The following SEBOX variants were observed in gnomAD, a reference collection of about 807,000 sequenced individuals.
The protein encoded by SEBOX is homeobox protein SEBOX.
SEBOX carries 10 observed loss-of-function variants against 7.8 expected under a neutral mutation model. The observed-to-expected ratio is 1.28, with a 90% CI of 0.79 to 2.17. SEBOX has a LOEUF of 2.17. Among genes scored for constraint, SEBOX ranks in the 30% most tolerant of loss-of-function variants. The pLI, the probability that SEBOX is intolerant of heterozygous loss-of-function variation, is 0.00. For missense variants in SEBOX, 240 were observed against 239.5 expected, an observed-to-expected ratio of 1.00 and a Z score of -0.01; for synonymous variants, 98 against 91.5, an observed-to-expected ratio of 1.07 and a Z score of -0.40.
chr17:28,364,731 A>G, intron 2 of SEBOX, 64 bp downstream of exon 2: 1 of 1,599,212 alleles, frequency 6.3e-7, no homozygotes, highest in South Asian at 1.1e-5. Flanking sequence ...AAGGCAGGCT[A>G]CCCAGCGAAG....
Position 28,364,276 on chromosome 17 carries a change from G to A in SEBOX, c.565C>T (p.His189Tyr), listed in dbSNP as rs1284662822. Reference sequence around the variant, plus strand: ...CAAGTTCTGGACAAAGACTAGGAGTGGTCCACATTGACGACAATGGCCAAG... The same window carrying A: ...CAAGTTCTGGACAAAGACTAGGAGTAGTCCACATTGACGACAATGGCCAAG... ...YALAIVVNVD[H>Y]S The change falls in exon 3 of 3, where the codon CAC (histidine) becomes TAC (tyrosine). Residue 189 changes from histidine to tyrosine, a missense_variant. Transcript: ENST00000536498. 1.2e-6 allele frequency: 2 copies of A among 1,606,970 alleles called. No individual in the cohort carries two copies. Among genetic ancestry groups the A allele is most frequent in the Non-Finnish European group, 1.7e-6 (2 of 1,176,678 alleles).
Position 28,364,792 on chromosome 17 carries a change from C to T in SEBOX, c.192+3G>A, listed in dbSNP as rs2067894799. The stretch of plus-strand genomic sequence containing the variant: ...GGCTGTGTGAGAAGGGGTCACAGCT[C>T]ACCTGTACCTTGGCCTCAGGAAGGC... On this transcript the variant is annotated splice_donor_region_variant and intron_variant, in intron 2 of 2. Transcript: ENST00000536498. 6 of 1,613,838 alleles carry T rather than the reference C, an allele frequency of 3.7e-6. No homozygotes were observed. The highest frequency in any genetic ancestry group is 5.1e-6 in the Non-Finnish European group (6 of 1,179,832).
chr17:28,365,035 A>C (rs2067897749), intron 1 of SEBOX, 80 bp from the exon 2 acceptor site: 2 of 1,574,662 alleles, frequency 1.3e-6, no homozygotes, highest in Non-Finnish European at 1.7e-6. Context: ...TCAACCCCGA[A>C]GTCCCTACTC....
Position 28,365,170 on chromosome 17 carries a change from G to GGTGCCAGAGGGCC in SEBOX, c.-32_-20dup, listed in dbSNP as rs782025153. Reference sequence around the variant, plus strand: ...TGGGCATGGAGCTGGCAAAGGGTAAGGTGCCAGAGGGCCGTGCCAGAGGGC... The same window carrying GGTGCCAGAGGGCC: ...TGGGCATGGAGCTGGCAAAGGGTAAGGTGCCAGAGGGCCGTGCCAGAGGGCCGTGCCAGAGGGC... On this transcript the variant is annotated 5_prime_UTR_variant, in exon 1 of 3. Transcript: ENST00000536498. The GGTGCCAGAGGGCC allele has an allele frequency of 5.1e-5, 83 of 1,611,864 alleles. No individual in the cohort carries two copies. The African/African-American group carries it at 7.9e-4, about 15-fold the overall frequency.
chr17:28,363,901 G>A lies in SEBOX; in HGVS notation c.*367C>T, dbSNP rs2067884060. ...GAGAGACCTCAGGAGACAGGAGCCT[G>A]CCCCTTCAGAAGGAGGAGGCCATCA... On this transcript the variant is annotated 3_prime_UTR_variant, in exon 3 of 3. Coordinates refer to ENST00000536498, the MANE Select transcript of SEBOX (RefSeq NM_001080837.4). Among the ~76,000 whole-genome samples the A allele has an allele frequency of 6.6e-6, 1 of 152,190 alleles. No individual in the cohort carries two copies. The highest frequency in any genetic ancestry group is 6.5e-5 in the Admixed American group (1 of 15,278).
chr17:28,363,833 C>A lies in SEBOX; in HGVS notation c.*435G>T, dbSNP rs1192302293. 1 of 157,028 alleles carries A rather than the reference C, an allele frequency of 6.4e-6. No individual in the cohort carries two copies. The highest frequency in any genetic ancestry group is 1.9e-4 in the East Asian group (1 of 5,310). The allele number at this position is 157,028 out of a possible 1,614,324, so 9.7% of individuals were successfully genotyped here. ...AGCAGTCTAGATGAGGAGCAGCACT[C>A]TCCTCTCCTACCTCACTTAGCAGTT... On this transcript the variant is annotated 3_prime_UTR_variant, in exon 3 of 3. Transcript: ENST00000536498.
rs1555582756 is a variant in SEBOX, at chr17:28,364,783, G to T, written c.192+12C>A. On this transcript the variant is annotated intron_variant, in intron 2 of 2. Transcript: ENST00000536498. ...CTAGATGTTGGCTGTGTGAGAAGGG[G>T]TCACAGCTCACCTGTACCTTGGCCT... 1.2e-6 allele frequency: 2 copies of T among 1,613,700 alleles called. No individual in the cohort carries two copies. The highest frequency in any genetic ancestry group is 1.3e-5 in the African/African-American group (1 of 75,056).
chr17:28,364,846 G>C lies in SEBOX; in HGVS notation c.141C>G (p.Ser47Arg). 1 of 1,613,972 alleles carries C rather than the reference G, an allele frequency of 6.2e-7. No individual in the cohort carries two copies. The highest frequency in any genetic ancestry group is 8.5e-7 in the Non-Finnish European group (1 of 1,179,872). ...TGACCCAGGCCAGGTGCTCATGGGT[G>C]CTGATGTTGGGGTAGGGCCATGCTG... ...AFAAWPYPNI[S>R]THEHLAWVTC... Residue 47 changes from serine (S) to arginine (R), a missense_variant, in exon 2 of 3, where the codon AGC becomes AGG. Ser to Arg is a moderately radical substitution (Grantham distance 110). Transcript: ENST00000536498.
chr17:28,365,090 C>T, intron 1 of SEBOX, 31 bp downstream of exon 1: 3 of 1,594,848 alleles, frequency 1.9e-6, no homozygotes, highest in Non-Finnish European at 2.6e-6. Context: ...CCTGCGTTCT[C>T]ACCCTGCCCA....
Position 28,364,668 on chromosome 17 carries a change from G to A in SEBOX, c.193-20C>T, listed in dbSNP as rs1267590647. On this transcript the variant is annotated intron_variant, in intron 2 of 2. Coordinates refer to ENST00000536498, the MANE Select transcript of SEBOX (RefSeq NM_001080837.4). Reference sequence around the variant, plus strand: ...CCACACCTGCTAGGAAAGAAGAAGGGGTCTGTTCTGGCCCCAGCATCCCCT... The same window carrying A: ...CCACACCTGCTAGGAAAGAAGAAGGAGTCTGTTCTGGCCCCAGCATCCCCT... The A allele has an allele frequency of 4.5e-6, 7 of 1,552,856 alleles. No homozygotes were observed. Among genetic ancestry groups the A allele is most frequent in the Non-Finnish European group, 5.2e-6 (6 of 1,152,326 alleles).
intron 1 of SEBOX, 80 bp from the exon 2 acceptor site, chr17:28,365,035 A>T: frequency 6.4e-7 from 1 of 1,574,780 alleles, no homozygotes; most frequent in South Asian, 1.2e-5. Flanking sequence ...TCAACCCCGA[A>T]GTCCCTACTC....
Position 28,364,339 on chromosome 17 carries a change from G to A in SEBOX, c.502C>T (p.Gln168Ter). Residue 168 changes from glutamine to a stop codon, truncating the protein, a stop_gained, in exon 3 of 3, where the codon CAG (glutamine) becomes TAG (stop). Transcript: ENST00000536498. LOFTEE classifies it high-confidence loss of function. ...TCAGACAGGCTGCCTAGTGAAGTCT[G>A]GGGAGTAGCTCGCTCTAAAGAAGGG... ...VHPSLERATP[Q>*]TSLGSLSDLI... The A allele has an allele frequency of 6.2e-7, 1 of 1,601,824 alleles. No individual in the cohort carries two copies. Among genetic ancestry groups the A allele is most frequent in the Non-Finnish European group, 8.5e-7 (1 of 1,174,170 alleles).
Position 28,364,394 on chromosome 17 carries a change from T to G in SEBOX, c.447A>C (p.Pro149=), listed in dbSNP as rs782229547. Residue 149 remains proline, a synonymous_variant, in exon 3 of 3, where the codon CCA becomes CCC. Transcript: ENST00000536498. ...CCTCTGAAGCCCCAGCTGATCCCCA[T>G]GGGGCTACAGCTTTAGCCCCTTCCC... ...QGWEGAKAVA[P]WGSAGASEVH... is the part of the protein sequence containing the mutation. 15 of 1,591,090 alleles carry G rather than the reference T, an allele frequency of 9.4e-6. No individual in the cohort carries two copies. Among genetic ancestry groups the G allele is most frequent in the Non-Finnish European group, 1.3e-5 (15 of 1,168,502 alleles).
At chr17:28,364,736 G>A (rs1597808838) in intron 2 of SEBOX, 59 bp downstream of exon 2, 1 of 1,603,230 alleles carries the variant, frequency 6.2e-7, no homozygotes, top group Non-Finnish European at 8.5e-7. Flanking sequence ...AGGCTACCCA[G>A]CGAAGGGGCT....
rs782508389 is a variant in SEBOX, at chr17:28,364,881, T to C, written c.106A>G (p.Arg36Gly). The change falls in exon 2 of 3, where the codon AGG (arginine) becomes GGG (glycine). Residue 36 changes from arginine (R) to glycine (G), a missense_variant. By Grantham distance (125) the Arg-to-Gly change is moderately radical (BLOSUM62 -2). Transcript: ENST00000536498. ...FSKGQLLELE[R>G]AFAAWPYPNI... ...GGGTAGGGCCATGCTGCAAACGCCC[T>C]CTCCAGCTCCAGTAGCTGCCCTTTG... The C allele has an allele frequency of 4.3e-6, 7 of 1,613,770 alleles. No homozygotes were observed. Among genetic ancestry groups the C allele is most frequent in the Non-Finnish European group, 5.9e-6 (7 of 1,179,822 alleles).
chr17:28,364,812 G>C lies in SEBOX; in HGVS notation c.175C>G (p.Pro59Ala). The C allele has an allele frequency of 6.2e-7, 1 of 1,613,934 alleles. No individual in the cohort carries two copies. The highest frequency in any genetic ancestry group is 8.5e-7 in the Non-Finnish European group (1 of 1,179,860). The part of the protein sequence containing the change: ...HEHLAWVTCL[P>A]EAKVQVWFQK... The stretch of plus-strand genomic sequence containing the variant: ...CAGCTCACCTGTACCTTGGCCTCAG[G>C]AAGGCAAGTGACCCAGGCCAGGTGC... Residue 59 changes from proline to alanine, a missense_variant, in exon 2 of 3, where the codon CCT becomes GCT. Transcript: ENST00000536498.
In SEBOX at chr17:28,364,916, G is replaced by A. The variant is rs372789276; in HGVS notation, c.71C>T (p.Thr24Ile). ...CAGTAGCTGCCCTTTGCTGAAGGTG[G>A]TCCGCTTTCTCCGGTGGGAACCCAA... The part of the protein sequence containing the change: ...SGLGSHRRKR[T>I]TFSKGQLLEL... The change falls in exon 2 of 3, where the codon ACC (threonine) becomes ATC (isoleucine). Residue 24 changes from threonine to isoleucine, a missense_variant. Transcript: ENST00000536498. 1.9e-6 allele frequency: 3 copies of A among 1,613,392 alleles called. No individual in the cohort carries two copies. Among genetic ancestry groups the A allele is most frequent in the Non-Finnish European group, 2.5e-6 (3 of 1,179,732 alleles).
Position 28,364,149 on chromosome 17 carries a change from G to A in SEBOX, c.*119C>T. Reference sequence around the variant, plus strand: ...GCCTGAGCTAAACTCCTTTCCCGTAGGGAATCCCTTTGCATAAAAAGTGGG... The same window carrying A: ...GCCTGAGCTAAACTCCTTTCCCGTAAGGAATCCCTTTGCATAAAAAGTGGG... On this transcript the variant is annotated 3_prime_UTR_variant, in exon 3 of 3. Coordinates refer to ENST00000536498, the MANE Select transcript of SEBOX (RefSeq NM_001080837.4). 2 of 1,018,176 alleles carry A rather than the reference G, an allele frequency of 2.0e-6. No homozygotes were observed. Among genetic ancestry groups the A allele is most frequent in the Non-Finnish European group, 2.8e-6 (2 of 713,834 alleles). The allele number at this position is 1,018,176 out of a possible 1,614,324, so 63.1% of individuals were successfully genotyped here. A position where few individuals can be genotyped will look rare whatever the true frequency, so the allele number is the denominator to read the frequency against.
In SEBOX at chr17:28,364,899, G is replaced by A; in HGVS notation, c.88C>T (p.Gln30Ter). 1.9e-6 allele frequency: 3 copies of A among 1,613,774 alleles called. No homozygotes were observed. Among genetic ancestry groups the A allele is most frequent in the South Asian group, 1.1e-5 (1 of 91,046 alleles). The change falls in exon 2 of 3, where the codon CAG (glutamine) becomes TAG (stop). Residue 30 changes from glutamine to a stop codon, truncating the protein, a stop_gained. Transcript: ENST00000536498. LOFTEE classifies it high-confidence loss of function. ...RRKRTTFSKG[Q>*]LLELERAFAA... Reference sequence around the variant, plus strand: ...AACGCCCTCTCCAGCTCCAGTAGCTGCCCTTTGCTGAAGGTGGTCCGCTTT... The same window carrying A: ...AACGCCCTCTCCAGCTCCAGTAGCTACCCTTTGCTGAAGGTGGTCCGCTTT...
Sources: gnomAD v4.1 joint callset for allele counts (sites outside exome capture counted in the v4.1 genomes callset) on GRCh38, gnomAD v4.1.1 for gene constraint, MANE v1.5 for transcripts, NCBI Gene and HGNC (gene_info 2026-07-23, HGNC 2026-07-21) for gene names.